Variants in PIK3CD observed in about 807,000 individuals in gnomAD.
PIK3CD encodes the protein phosphatidylinositol-4,5-bisphosphate 3-kinase catalytic subunit delta, also known as phosphatidylinositol 4,5-bisphosphate 3-kinase catalytic subunit delta isoform.
Under a neutral mutation model 122.9 loss-of-function variants are expected in PIK3CD, and 20 were observed. That is an observed-to-expected ratio of 0.16 (90% CI 0.11 to 0.24). The LOEUF is 0.24. Ranked by LOEUF, PIK3CD falls within the 10% of genes least tolerant of loss-of-function variation. The probability of loss-of-function intolerance (pLI) is 1.00; values close to 1 mark genes in which losing one functional copy is unlikely to be tolerated. For missense variants in PIK3CD, 787 were observed against 1,406.3 expected (o/e 0.56, Z 7.04); for synonymous variants, 596 against 593.4 (o/e 1.00, Z -0.06).
chr1:9,635,475 C>A, the PIK3CD span, among the ~76,000 whole-genome samples: 1 of 152,120 alleles, frequency 6.6e-6, no homozygotes, highest in Non-Finnish European at 1.5e-5. Flanking sequence ...CCATGTTAGA[C>A]CACCCACGCT....
At chr1:9,648,209 A>G (rs1378015306), upstream of PIK3CD, among the ~76,000 whole-genome samples, 1 of 152,208 alleles carries the variant, frequency 6.6e-6, no homozygotes, top group Non-Finnish European at 1.5e-5. Context: ...TCAAAGAGGT[A>G]TATTTTGGGG....
In PIK3CD at chr1:9,722,037, C is replaced by T; in HGVS notation, c.2118C>T (p.Thr706=). Residue 706 remains threonine, a synonymous_variant, in exon 17 of 24, where the codon ACC becomes ACT. Transcript: ENST00000377346. The surrounding 1 kb of genome is among the most constrained non-coding windows in gnomAD (Gnocchi z 7.6). ...NDFVKLSSQK[T]PKPQTKELMH... is the part of the protein sequence containing the mutation. ...TCGTCAAGCTGAGCTCTCAGAAGAC[C>T]CCCAAGCCCCAGACCAAGGAGCTGA... 1 of 1,613,710 alleles carries T rather than the reference C, an allele frequency of 6.2e-7. No homozygotes were observed. The highest frequency in any genetic ancestry group is 8.5e-7 in the Non-Finnish European group (1 of 1,180,028).
In PIK3CD at chr1:9,718,753, C is replaced by T; in HGVS notation, c.1080C>T (p.Ser360=). ...GNEMLCKTVS[S]SEVSVCSEPV... ...AGATGCTGTGCAAGACGGTGTCCAG[C>T]TCGGAGGTGAGCGTGTGCTCGGAGC... The change falls in exon 9 of 24, where the codon AGC becomes AGT. Residue 360 remains serine, a synonymous_variant. Transcript: ENST00000377346. This position sits in a 1 kb window ranked among gnomAD's most constrained non-coding sequence, Gnocchi z 7.2. 6.2e-7 allele frequency: 1 copy of T among 1,610,006 alleles called. No homozygotes were observed. The highest frequency in any genetic ancestry group is 8.5e-7 in the Non-Finnish European group (1 of 1,179,950).
At chr1:9,678,415 T>C (rs971174402) in intron 1 of PIK3CD, among the ~76,000 whole-genome samples, 2 of 152,080 alleles carry the variant, frequency 1.3e-5, no homozygotes, top group African/African-American at 4.8e-5. Flanking sequence ...TATTATGGCA[T>C]TGGACTCCAG....
chr1:9,699,868 C>T (rs1646562365), intron 2 of PIK3CD, among the ~76,000 whole-genome samples: 1 of 152,214 alleles, frequency 6.6e-6, no homozygotes, highest in Non-Finnish European at 1.5e-5. Context: ...GCTGGGATTA[C>T]AGGCGTGAGC....
chr1:9,633,291 C>T, the PIK3CD span, among the ~76,000 whole-genome samples: 1 of 152,038 alleles, frequency 6.6e-6, no homozygotes, highest in Admixed American at 6.6e-5. Flanking sequence ...TAGTTGGTTG[C>T]CTGTAACTTT....
At chr1:9,638,929 C>T in the PIK3CD span, among the ~76,000 whole-genome samples, 1 of 151,816 alleles carries the variant, frequency 6.6e-6, no homozygotes, top group Non-Finnish European at 1.5e-5. Context: ...GTGCCCACCA[C>T]CATGCCCTGC....
At chr1:9,687,172 C>T (rs1645994125) in intron 1 of PIK3CD, among the ~76,000 whole-genome samples, 1 of 152,166 alleles carries the variant, frequency 6.6e-6, no homozygotes, top group African/African-American at 2.4e-5. Flanking sequence ...TCCATCCATG[C>T]TGGAGATAAA....
At chr1:9,697,140 T>G (rs1414600071) in intron 2 of PIK3CD, among the ~76,000 whole-genome samples, 1 of 149,396 alleles carries the variant, frequency 6.7e-6, no homozygotes, top group South Asian at 2.1e-4. Flanking sequence ...GGGAGGCTAA[T>G]GTGGGGGGAT....
intron 1 of PIK3CD, among the ~76,000 whole-genome samples, chr1:9,681,919 A>G (rs1234837889): frequency 6.6e-6 from 1 of 152,194 alleles, no homozygotes; most frequent in Non-Finnish European, 1.5e-5. Flanking sequence ...AGAATGAGCC[A>G]GCTTGTTCTG....
At position 9,715,762 on chromosome 1, in the gene PIK3CD, C is replaced by A; in HGVS notation, c.363C>A (p.Ile121=). 5.0e-6 allele frequency: 8 copies of A among 1,613,196 alleles called. No individual in the cohort carries two copies. Among genetic ancestry groups the A allele is most frequent in the Non-Finnish European group, 5.9e-6 (7 of 1,179,974 alleles). ...TCAACTCACAGATCAGCCTCCTCAT[C>A]GGCAAAGGTAGCTCTGCCGAGTGGG... ...KLINSQISLL[I]GKGLHEFDSL... is the part of the protein sequence containing the mutation. Residue 121 remains isoleucine, a synonymous_variant, in exon 4 of 24, where the codon ATC becomes ATA. Coordinates refer to ENST00000377346, the MANE Select transcript of PIK3CD (RefSeq NM_005026.5). The surrounding 1 kb of genome is among the most constrained non-coding windows in gnomAD (Gnocchi z 4.1).
At chr1:9,697,476 T>C (rs922774812) in intron 2 of PIK3CD, among the ~76,000 whole-genome samples, 1 of 151,850 alleles carries the variant, frequency 6.6e-6, no homozygotes, top group African/African-American at 2.4e-5. Context: ...GAAAGATTGC[T>C]TGAGCCCTGG....
rs1364245447 is a variant in PIK3CD at position 9,727,306 on chromosome 1, C to T, written c.*260C>T. The T allele has an allele frequency of 7.5e-6, 4 of 533,592 alleles. No homozygotes were observed. In the East Asian group the frequency reaches 9.8e-5, roughly 13 times the overall value. The allele number at this position is 533,592 out of a possible 1,614,324, so 33.1% of individuals were successfully genotyped here. ...CACCTGGCTCTCGGCTGAGGATTGT[C>T]ACCCCAAGTCTTCCAGCTGGTGGAT... On this transcript the variant is annotated 3_prime_UTR_variant, in exon 24 of 24. Transcript: ENST00000377346.
At chr1:9,706,256 C>T (rs1465900575) in intron 2 of PIK3CD, among the ~76,000 whole-genome samples, 9 of 149,592 alleles carry the variant, frequency 6.0e-5, no homozygotes, top group Admixed American at 2.0e-4. Flanking sequence ...TTAGAGAGGC[C>T]GAGGTGGGAG....
rs74810869 is a variant in PIK3CD, at chr1:9,659,556, C to T, written c.-138+7754C>T. On this transcript the variant is annotated intron_variant, in intron 1 of 23. Coordinates refer to ENST00000377346, the MANE Select transcript of PIK3CD (RefSeq NM_005026.5). ...ACACTAACTCCCCTCTCCTCCCAGCCCTGGCAGCCATTCTGCTGTCTCTGT... is the reference window on the plus strand; with the variant it reads ...ACACTAACTCCCCTCTCCTCCCAGCTCTGGCAGCCATTCTGCTGTCTCTGT... 4.7e-3 allele frequency among the ~76,000 whole-genome samples: 721 copies of T among 152,262 alleles called. 7 individuals are homozygous for T. Among genetic ancestry groups the T allele is most frequent in the African/African-American group, 0.016 (662 of 41,544 alleles).
Position 9,652,603 on chromosome 1 carries a change from G to C in PIK3CD, c.-138+801G>C, listed in dbSNP as rs1038707037. On this transcript the variant is annotated intron_variant, in intron 1 of 23. Transcript: ENST00000377346. The surrounding 1 kb of genome is among the most constrained non-coding windows in gnomAD (Gnocchi z 6.2). Reference sequence around the variant, plus strand: ...AAAAAATACTCTTACCCGTAATTCAGCCTGAATGAGGCTTTTTAAAAAAAT... The same window carrying C: ...AAAAAATACTCTTACCCGTAATTCACCCTGAATGAGGCTTTTTAAAAAAAT... The C allele has an allele frequency of 6.6e-6, 1 of 152,260 alleles. No individual in the cohort carries two copies. The highest frequency in any genetic ancestry group is 2.4e-5 in the African/African-American group (1 of 41,464). The allele number at this position is 152,260 out of a possible 1,614,324, so 9.4% of individuals were successfully genotyped here.
At chr1:9,716,857 C>A (rs1647556250) in intron 6 of PIK3CD, 102 bp from the exon 7 acceptor site, 1 of 1,532,216 alleles carries the variant, frequency 6.5e-7, no homozygotes, top group Non-Finnish European at 9.0e-7. Flanking sequence ...TCTCCCAAGG[C>A]CTAGGACAGG....
intron 1 of PIK3CD, among the ~76,000 whole-genome samples, chr1:9,684,408 GCC>G (rs990299048): frequency 6.6e-6 from 1 of 151,446 alleles, no homozygotes; most frequent in African/African-American, 2.4e-5. Context: ...ATGGTGGCAG[GCC>G]CCTGTAATCC....
chr1:9,636,776 C>T, the PIK3CD span, among the ~76,000 whole-genome samples: 55 of 152,294 alleles, frequency 3.6e-4, 2 homozygotes, highest in South Asian at 0.011. Flanking sequence ...TGTAGAAAGG[C>T]CACCAAGGAG....
Sources: allele counts gnomAD v4.1 joint callset (sites outside exome capture counted in the v4.1 genomes callset), GRCh38; gene constraint gnomAD v4.1.1; non-coding constraint Gnocchi (gnomAD v3.1); transcripts MANE v1.5; gene names NCBI Gene and HGNC (gene_info 2026-07-23, HGNC 2026-07-21).